The following C5orf34 variants were observed in gnomAD, a reference collection of about 807,000 sequenced individuals.
C5orf34 encodes uncharacterized protein C5orf34.
A neutral mutation model predicts 78.4 loss-of-function variants in C5orf34; 73 were observed. The ratio of observed to expected loss-of-function variants is 0.93; its 90% CI spans 0.77 to 1.13. The LOEUF (loss-of-function observed/expected upper bound fraction) is 1.13, where lower values mean the gene tolerates loss of function less well. Ranked by LOEUF, C5orf34 falls within the 50% of genes most tolerant of loss-of-function variation. C5orf34 has a pLI of 0.00. For missense variants in C5orf34, 730 were observed against 732.7 expected (o/e 1.00, Z 0.04); for synonymous variants, 251 against 246.6 (o/e 1.02, Z -0.17).
At chr5:43,494,643 T>TA (rs1561208813) in intron 6 of C5orf34, 42 bp from the exon 7 acceptor site, 1 of 1,343,044 alleles carries the variant, frequency 7.4e-7, no homozygotes, top group East Asian at 2.4e-5. Context: ...AATAATAAAT[T>TA]TTGGCCTTTA....
chr5:43,507,882 T>C (rs1050791970), intron 3 of C5orf34, among the ~76,000 whole-genome samples: 2 of 152,030 alleles, frequency 1.3e-5, no homozygotes, highest in Admixed American at 6.5e-5. Flanking sequence ...ATCGAGACCA[T>C]GCTGGCTAAC....
In C5orf34 at chr5:43,503,696, T is replaced by G. The variant is rs747110257; in HGVS notation, c.997A>C (p.Lys333Gln). ...SDEYSYPELV[K>Q]MVWYKGVTYR... ...GTAACACCTTTGTACCAAACCATTT[T>G]CACTAGTTCAGGATAGGAATATTCA... Residue 333 changes from lysine to glutamine, a missense_variant, in exon 5 of 13, where the codon AAA (lysine) becomes CAA (glutamine). Transcript: ENST00000306862. 2 of 1,613,542 alleles carry G rather than the reference T, an allele frequency of 1.2e-6. No homozygotes were observed. The highest frequency in any genetic ancestry group is 1.3e-5 in the African/African-American group (1 of 74,928).
chr5:43,492,437 T>A (rs1034429108), intron 9 of C5orf34, 128 bp from the exon 10 acceptor site: 13 of 673,158 alleles, frequency 1.9e-5, no homozygotes, highest in Non-Finnish European at 3.1e-5. Flanking sequence ...GTTTAAATGT[T>A]GTTTACATGA....
intron 11 of C5orf34, among the ~76,000 whole-genome samples, chr5:43,489,217 G>C (rs1340182650): frequency 1.3e-5 from 2 of 151,888 alleles, no homozygotes; most frequent in Admixed American, 1.3e-4. Flanking sequence ...TGACTAAAAA[G>C]TTGAATTAAT....
chr5:43,501,894 G>C (rs984808460), intron 6 of C5orf34, among the ~76,000 whole-genome samples: 2 of 152,110 alleles, frequency 1.3e-5, no homozygotes, highest in Non-Finnish European at 2.9e-5. Context: ...TTAAGACTAT[G>C]GGCTGGTAAT....
At chr5:43,493,991 A>C (rs12659627) in intron 7 of C5orf34, among the ~76,000 whole-genome samples, 2,107 of 152,272 alleles carry the variant, frequency 0.014, 59 homozygotes, top group East Asian at 0.13. Context: ...ATGCTTCTTC[A>C]AATCTATTTT....
At chr5:43,496,256 G>T (rs1422739514) in intron 6 of C5orf34, 2 of 1,581,792 alleles carry the variant, frequency 1.3e-6, no homozygotes, top group South Asian at 1.1e-5. Flanking sequence ...CCACGTTCAC[G>T]CTCAGCTTTC....
intron 11 of C5orf34, 91 bp from the exon 12 acceptor site, chr5:43,488,040 T>C (rs577461344): frequency 1.1e-6 from 1 of 927,872 alleles, no homozygotes; most frequent in South Asian, 1.5e-5. Flanking sequence ...TTTTTTTTCA[T>C]TAGAATTTTA....
chr5:43,490,760 A>G, intron 10 of C5orf34, 31 bp from the exon 11 acceptor site: 3 of 1,119,206 alleles, frequency 2.7e-6, no homozygotes, highest in Non-Finnish European at 4.0e-6. Flanking sequence ...GAAATACTTG[A>G]AAAATGAACT....
intron 12 of C5orf34, among the ~76,000 whole-genome samples, chr5:43,487,604 GA>G (rs1186539482): frequency 1.3e-5 from 2 of 152,040 alleles, no homozygotes; most frequent in African/African-American, 4.8e-5. Context: ...TTTAAAAAAA[GA>G]GGTCTTAAAC....
chr5:43,512,843 C>T (rs1180298812), intron 1 of C5orf34, among the ~76,000 whole-genome samples: 1 of 124,828 alleles, frequency 8.0e-6, no homozygotes, highest in African/African-American at 3.1e-5. Context: ...AGTAGAGTGG[C>T]GCAATCTGGG....
At chr5:43,489,840 C>G (rs1434390152) in intron 11 of C5orf34, among the ~76,000 whole-genome samples, 2 of 152,090 alleles carry the variant, frequency 1.3e-5, no homozygotes, top group Non-Finnish European at 2.9e-5. Flanking sequence ...CCAAATTGTT[C>G]CTGGTATCCC....
Position 43,487,110 on chromosome 5 carries a change from C to A in C5orf34, c.1722G>T (p.Leu574Phe), listed in dbSNP as rs1465331923. 2.0e-6 allele frequency: 3 copies of A among 1,498,594 alleles called. No homozygotes were observed. Among genetic ancestry groups the A allele is most frequent in the Non-Finnish European group, 1.8e-6 (2 of 1,120,444 alleles). 92.8% of individuals were successfully genotyped at this position (1,498,594 alleles called of 1,614,324 possible). The change falls in exon 13 of 13, where the codon TTG (leucine) becomes TTT (phenylalanine). Residue 574 changes from leucine to phenylalanine, a missense_variant and splice_region_variant. Transcript: ENST00000306862. ...TTAGGATACCACTATTTTCTAGTAG[C>A]ACTAAGTTGCTTAGTTAAGGAGGTT... ...SELEKIQKFN[L>F]LLENSGILNQ... is the part of the protein sequence containing the mutation.
intron 2 of C5orf34, among the ~76,000 whole-genome samples, 170 bp downstream of exon 2, chr5:43,508,975 T>C (rs1350620034): frequency 2.0e-5 from 3 of 152,144 alleles, no homozygotes; most frequent in Non-Finnish European, 4.4e-5. Flanking sequence ...ACACCTGTAG[T>C]CCTAGAGTAA....
intron 12 of C5orf34, among the ~76,000 whole-genome samples, 194 bp downstream of exon 12, chr5:43,487,715 G>A (rs551906808): frequency 7.2e-5 from 11 of 151,980 alleles, no homozygotes; most frequent in Non-Finnish European, 1.3e-4. Flanking sequence ...TCAAAGAAAA[G>A]TATAAATGTT....
At chr5:43,504,429 G>T (rs1250682833) in intron 4 of C5orf34, among the ~76,000 whole-genome samples, 1 of 152,156 alleles carries the variant, frequency 6.6e-6, no homozygotes, top group African/African-American at 2.4e-5. Flanking sequence ...AATAAACATT[G>T]AGTGTAAAGA....
At chr5:43,493,516 C>A in intron 8 of C5orf34, 27 bp downstream of exon 8, 1 of 1,310,546 alleles carries the variant, frequency 7.6e-7, no homozygotes, top group Non-Finnish European at 1.1e-6. Context: ...TTAAAAATAT[C>A]TTGCTTTTAA....
chr5:43,505,932 C>T lies in C5orf34; in HGVS notation c.748G>A (p.Glu250Lys), dbSNP rs749770412. 3.1e-6 allele frequency: 5 copies of T among 1,614,030 alleles called. No individual in the cohort carries two copies. The highest frequency in any genetic ancestry group is 3.3e-4 in the Middle Eastern group (2 of 6,084). The change falls in exon 4 of 13, where the codon GAA becomes AAA. Residue 250 changes from glutamate to lysine, a missense_variant. Coordinates refer to ENST00000306862, the MANE Select transcript of C5orf34 (RefSeq NM_198566.4). Reference protein sequence around the residue: ...QCWSVAACPEEWKYPLSLALH... With the variant: ...QCWSVAACPEKWKYPLSLALH... ...GCTAAAGACAAAGGATATTTCCATTCCTCTGGACAGGCAGCCACAGACCAG... is the reference window on the plus strand; with the variant it reads ...GCTAAAGACAAAGGATATTTCCATTTCTCTGGACAGGCAGCCACAGACCAG...
chr5:43,497,926 C>T (rs1490033332), intron 6 of C5orf34, among the ~76,000 whole-genome samples: 2 of 152,174 alleles, frequency 1.3e-5, no homozygotes, highest in Non-Finnish European at 2.9e-5. Flanking sequence ...GTTCCCTCTA[C>T]CTAGAACTCA....
Sources: gnomAD v4.1 joint callset for allele counts (sites outside exome capture counted in the v4.1 genomes callset) on GRCh38, gnomAD v4.1.1 for gene constraint, MANE v1.5 for transcripts, NCBI Gene and HGNC (gene_info 2026-07-23, HGNC 2026-07-21) for gene names.